Variants in GMDS observed in about 807,000 individuals in gnomAD.
GMDS encodes the protein GDP-mannose 4,6 dehydratase.
In GMDS, 20 loss-of-function variants were observed where a neutral mutation model predicts 49.9. That is an observed-to-expected ratio of 0.40 (90% CI 0.28 to 0.58). The LOEUF (loss-of-function observed/expected upper bound fraction) is 0.58, where lower values mean the gene tolerates loss of function less well. Ranked by LOEUF, GMDS falls within the 20% of genes least tolerant of loss-of-function variation. GMDS has a pLI of 0.42. For synonymous variants in GMDS, 177 were observed against 178.6 expected (o/e 0.99, Z 0.07); for missense variants, 362 against 481.4 (o/e 0.75, Z 2.32).
chr6:1,952,697 G>T (rs1013379957), intron 6 of GMDS, among the ~76,000 whole-genome samples: 12 of 151,930 alleles, frequency 7.9e-5, no homozygotes, highest in African/African-American at 2.9e-4. Context: ...GTTACATATG[G>T]CAAGTAGAAG....
chr6:2,237,810 C>A (rs1370432357), intron 1 of GMDS, among the ~76,000 whole-genome samples: 1 of 151,986 alleles, frequency 6.6e-6, no homozygotes, highest in Non-Finnish European at 1.5e-5. Context: ...GCATGAGCCA[C>A]CTCGCCCCGC....
chr6:1,948,638 T>C (rs926960446), intron 6 of GMDS, among the ~76,000 whole-genome samples: 1 of 152,130 alleles, frequency 6.6e-6, no homozygotes. Context: ...CTGAGCACTG[T>C]ACAACACAGT....
chr6:2,078,987 T>C (rs1363939336), intron 4 of GMDS, among the ~76,000 whole-genome samples: 1 of 150,858 alleles, frequency 6.6e-6, no homozygotes, highest in Non-Finnish European at 1.5e-5. Context: ...TGTTGCTGAA[T>C]TGATTCCTTT....
chr6:1,700,843 CA>C (rs1765518150), intron 9 of GMDS, among the ~76,000 whole-genome samples: 1 of 152,112 alleles, frequency 6.6e-6, no homozygotes, highest in Non-Finnish European at 1.5e-5. Flanking sequence ...AAGGCCATCC[CA>C]GCCCCAGTTC....
intron 8 of GMDS, 142 bp downstream of exon 8, chr6:1,742,326 A>C: frequency 1.7e-6 from 1 of 589,140 alleles, no homozygotes. Flanking sequence ...AGCAGAGCAA[A>C]GGCCCCACTC....
At chr6:1,854,285 A>G (rs1015901236) in intron 7 of GMDS, among the ~76,000 whole-genome samples, 21 of 152,226 alleles carry the variant, frequency 1.4e-4, no homozygotes, top group African/African-American at 5.1e-4. Flanking sequence ...CATTGAGTTT[A>G]CCTTAATGGC....
chr6:1,876,245 C>A (rs566726298), intron 7 of GMDS, among the ~76,000 whole-genome samples: 29 of 150,788 alleles, frequency 1.9e-4, no homozygotes, highest in African/African-American at 6.8e-4. Flanking sequence ...GCAACAAGAG[C>A]GAAACTCTGT....
chr6:2,077,493 G>C (rs965452245), intron 4 of GMDS, among the ~76,000 whole-genome samples: 4 of 151,976 alleles, frequency 2.6e-5, no homozygotes, highest in Middle Eastern at 3.2e-3. Context: ...TATCATGAAG[G>C]GATGCTGAAT....
chr6:1,920,514 G>C (rs775853198), intron 7 of GMDS, among the ~76,000 whole-genome samples: 114 of 152,332 alleles, frequency 7.5e-4, no homozygotes, highest in Middle Eastern at 3.4e-3. Flanking sequence ...AGACTGCCTT[G>C]ATTGCAAATA....
At chr6:1,959,332 T>C (rs1400575680) in intron 6 of GMDS, among the ~76,000 whole-genome samples, 4 of 152,214 alleles carry the variant, frequency 2.6e-5, no homozygotes, top group Non-Finnish European at 4.4e-5. Context: ...ATGTACTCCA[T>C]AAAAATGTGT....
rs898640155 is a variant in GMDS at position 1,833,103 on chromosome 6, C to G, written c.772-90517G>C. Among the ~76,000 whole-genome samples, 5 of 151,656 alleles carry G rather than the reference C, an allele frequency of 3.3e-5. No homozygotes were observed. The highest frequency in any genetic ancestry group is 1.2e-4 in the African/African-American group (5 of 41,230). On this transcript the variant is annotated intron_variant, in intron 7 of 10. Transcript: ENST00000380815. The surrounding 1 kb of genome is among the most constrained non-coding windows in gnomAD (Gnocchi z 4.4). ...GCCGCTGGACCTGTGCCCAGCTCACCCGGCAGTGGAGCGTATGAAAGCCTT... is the reference window on the plus strand; with the variant it reads ...GCCGCTGGACCTGTGCCCAGCTCACGCGGCAGTGGAGCGTATGAAAGCCTT...
intron 4 of GMDS, among the ~76,000 whole-genome samples, chr6:2,082,104 T>TA (rs1009698505): frequency 2.5e-4 from 38 of 152,272 alleles, no homozygotes; most frequent in African/African-American, 8.2e-4. Flanking sequence ...TGCATAGTAA[T>TA]AACATTCAAG....
intron 4 of GMDS, among the ~76,000 whole-genome samples, chr6:2,026,041 T>C (rs1045258665): frequency 1.3e-5 from 2 of 152,214 alleles, no homozygotes; most frequent in African/African-American, 2.4e-5. Flanking sequence ...CCTTAGCACA[T>C]TGTACTCAAA....
At chr6:2,197,502 G>A (rs1411272669) in intron 1 of GMDS, among the ~76,000 whole-genome samples, 1 of 152,172 alleles carries the variant, frequency 6.6e-6, no homozygotes, top group African/African-American at 2.4e-5. Flanking sequence ...ACCTGACCAC[G>A]TCAAGGGCCA....
In GMDS at chr6:1,913,393, A is replaced by C. The variant is rs1026522125; in HGVS notation, c.771+16710T>G. ...GAGACTCCGTCTCAAACAAACAAAA[A>C]AAAAAAAAAAAAAAAAGAAAGTTTG... On this transcript the variant is annotated intron_variant, in intron 7 of 10. Coordinates refer to ENST00000380815, the MANE Select transcript of GMDS (RefSeq NM_001500.4). 4.0e-3 allele frequency among the ~76,000 whole-genome samples: 599 copies of C among 150,730 alleles called. 1 individual carries two copies. Among genetic ancestry groups the C allele is most frequent in the African/African-American group, 0.011 (462 of 41,168 alleles).
chr6:2,155,040 T>C (rs966269023), intron 1 of GMDS, among the ~76,000 whole-genome samples: 1 of 152,146 alleles, frequency 6.6e-6, no homozygotes, highest in Non-Finnish European at 1.5e-5. Flanking sequence ...CATTATCTTT[T>C]TTCAACCCAT....
At chr6:2,226,553 T>C (rs1362464978) in intron 1 of GMDS, among the ~76,000 whole-genome samples, 1 of 152,218 alleles carries the variant, frequency 6.6e-6, no homozygotes, top group East Asian at 1.9e-4. Context: ...AGAGATATTA[T>C]AACCCTCCTA....
intron 1 of GMDS, among the ~76,000 whole-genome samples, chr6:2,166,965 G>T (rs911542371): frequency 2.0e-5 from 3 of 152,288 alleles, no homozygotes; most frequent in Non-Finnish European, 4.4e-5. Flanking sequence ...AGGGAAGACC[G>T]TTGCCTCTAC....
rs80353024 is a variant in GMDS, at chr6:1,841,065, T to A, written c.771+89038A>T. ...AGAATGTAGGTATCAGAGACTGAACTAGCTAGACATTTTTAATTCTCGGGA... is the reference window on the plus strand; with the variant it reads ...AGAATGTAGGTATCAGAGACTGAACAAGCTAGACATTTTTAATTCTCGGGA... On this transcript the variant is annotated intron_variant, in intron 7 of 10. Transcript: ENST00000380815. Among the ~76,000 whole-genome samples the A allele has an allele frequency of 6.2e-3, 951 of 152,284 alleles. 9 individuals are homozygous for A. The highest frequency in any genetic ancestry group is 0.021 in the African/African-American group (867 of 41,562).
Sources: allele counts gnomAD v4.1 joint callset (sites outside exome capture counted in the v4.1 genomes callset), GRCh38; gene constraint gnomAD v4.1.1; non-coding constraint Gnocchi (gnomAD v3.1); transcripts MANE v1.5; gene names NCBI Gene and HGNC (gene_info 2026-07-23, HGNC 2026-07-21).